Variants in OXR1 observed in about 807,000 individuals in gnomAD.
The protein encoded by OXR1 is oxidation resistance 1, also known as oxidation resistance protein 1.
Under a neutral mutation model 104.6 loss-of-function variants are expected in OXR1, and 41 were observed. The ratio of observed to expected loss-of-function variants is 0.39; its 90% CI spans 0.31 to 0.51. The LOEUF (loss-of-function observed/expected upper bound fraction) is 0.51, where lower values mean the gene tolerates loss of function less well. Among genes scored for constraint, OXR1 ranks in the 20% least tolerant of loss-of-function variants. OXR1 has a pLI of 0.77. For synonymous variants in OXR1, 348 were observed against 348.4 expected (o/e 1.00, Z 0.01); for missense variants, 955 against 1,031.9 (o/e 0.93, Z 1.02).
At chr8:106,511,314 C>T (rs921395626) in intron 2 of OXR1, among the ~76,000 whole-genome samples, 1 of 152,178 alleles carries the variant, frequency 6.6e-6, no homozygotes, top group Non-Finnish European at 1.5e-5. Flanking sequence ...TTTGCAGCAG[C>T]CACAGTATCC....
chr8:106,310,680 T>G (rs986278854), intron 1 of OXR1, among the ~76,000 whole-genome samples: 2 of 152,208 alleles, frequency 1.3e-5, no homozygotes, highest in African/African-American at 4.8e-5. Context: ...GTATAATAGG[T>G]ACAGGAATAT....
intron 6 of OXR1, among the ~76,000 whole-genome samples, chr8:106,691,210 A>G (rs1159064665): frequency 6.6e-6 from 1 of 151,948 alleles, no homozygotes; most frequent in East Asian, 1.9e-4. Context: ...ATATTTCTAT[A>G]TTTTTAAGGA....
intron 2 of OXR1, among the ~76,000 whole-genome samples, chr8:106,434,469 G>T (rs1819493295): frequency 6.6e-6 from 1 of 152,158 alleles, no homozygotes. Context: ...GTTTCCAAAA[G>T]AATAGTAGCT....
At chr8:106,451,352 CA>C (rs1469442445) in intron 2 of OXR1, among the ~76,000 whole-genome samples, 1 of 152,096 alleles carries the variant, frequency 6.6e-6, no homozygotes, top group Admixed American at 6.5e-5. Flanking sequence ...TTTATTTATA[CA>C]GATGAATTAT....
chr8:106,390,458 A>T (rs181477628), intron 2 of OXR1, among the ~76,000 whole-genome samples: 1 of 152,302 alleles, frequency 6.6e-6, no homozygotes, highest in Non-Finnish European at 1.5e-5. Context: ...TCCTCATAAC[A>T]CCGTTAAGAG....
At chr8:106,415,172 C>T (rs1818621175) in intron 2 of OXR1, among the ~76,000 whole-genome samples, 1 of 152,044 alleles carries the variant, frequency 6.6e-6, no homozygotes, top group Non-Finnish European at 1.5e-5. Context: ...CTTAACAGTG[C>T]CATAATTTAC....
At chr8:106,646,089 CTTT>C (rs760715864) in intron 3 of OXR1, among the ~76,000 whole-genome samples, 1 of 151,888 alleles carries the variant, frequency 6.6e-6, no homozygotes, top group Non-Finnish European at 1.5e-5. Flanking sequence ...TGTTCATCTT[CTTT>C]TTTCTCTATT....
Position 106,659,835 on chromosome 8 carries a change from T to G in OXR1, c.221-19375T>G, listed in dbSNP as rs550503820. Among the ~76,000 whole-genome samples, 18 of 152,316 alleles carry G rather than the reference T, an allele frequency of 1.2e-4. 1 individual carries two copies. The Middle Eastern group carries it at 0.02, about 173-fold the overall frequency. On this transcript the variant is annotated intron_variant, in intron 3 of 16. Coordinates refer to ENST00000517566, the MANE Select transcript of OXR1 (RefSeq NM_001198533.2). ...AGAGAGACACTTATGTGTTTATATA[T>G]GTGGAGCACACAGCTATATCTGACA...
At chr8:106,354,539 G>A (rs1260749888) in intron 1 of OXR1, among the ~76,000 whole-genome samples, 1 of 151,988 alleles carries the variant, frequency 6.6e-6, no homozygotes. Flanking sequence ...TATCCCCTTT[G>A]GAATTGAAGC....
intron 3 of OXR1, among the ~76,000 whole-genome samples, chr8:106,545,148 C>T (rs751378175): frequency 5.3e-5 from 8 of 152,110 alleles, no homozygotes; most frequent in Non-Finnish European, 1.2e-4. Flanking sequence ...CAGGAATTGC[C>T]ACATGTACCC....
intron 6 of OXR1, among the ~76,000 whole-genome samples, chr8:106,691,957 G>A (rs1025749371): frequency 4.5e-4 from 65 of 143,676 alleles, no homozygotes; most frequent in African/African-American, 1.4e-3. Context: ...ACCAAGAAGC[G>A]TATATATGTG....
At chr8:106,459,145 C>T (rs1351963240) in intron 2 of OXR1, among the ~76,000 whole-genome samples, 1 of 152,054 alleles carries the variant, frequency 6.6e-6, no homozygotes, top group Non-Finnish European at 1.5e-5. Flanking sequence ...CCCCAAAGTT[C>T]ATGTGTTGGA....
intron 1 of OXR1, among the ~76,000 whole-genome samples, chr8:106,279,803 A>G (rs757487602): frequency 8.5e-5 from 13 of 152,230 alleles, no homozygotes; most frequent in African/African-American, 2.9e-4. Context: ...ACTGACTTCA[A>G]TAGAAGTGTA....
intron 6 of OXR1, among the ~76,000 whole-genome samples, chr8:106,689,818 C>T (rs1829098959): frequency 6.6e-6 from 1 of 151,542 alleles, no homozygotes; most frequent in African/African-American, 2.4e-5. Context: ...AAGTGGTATG[C>T]CTGTATACCT....
chr8:106,662,868 A>G (rs1271308082), intron 3 of OXR1, among the ~76,000 whole-genome samples: 1 of 128,974 alleles, frequency 7.8e-6, no homozygotes. Context: ...GATGATGATG[A>G]TGATGATGAT....
intron 3 of OXR1, among the ~76,000 whole-genome samples, chr8:106,677,707 A>G (rs1827741591): frequency 6.6e-6 from 1 of 151,892 alleles, no homozygotes; most frequent in Non-Finnish European, 1.5e-5. Context: ...AGTTTTTAAG[A>G]GTTCTTTAAA....
chr8:106,682,934 T>C (rs960771909), intron 4 of OXR1, among the ~76,000 whole-genome samples: 4 of 152,216 alleles, frequency 2.6e-5, no homozygotes, highest in Admixed American at 1.3e-4. Context: ...TTTTTGACTT[T>C]TAAATTATGT....
Position 106,693,208 on chromosome 8 carries a change from A to G in OXR1, c.675+331A>G, listed in dbSNP as rs377615521. Among the ~76,000 whole-genome samples, 8 of 152,252 alleles carry G rather than the reference A, an allele frequency of 5.3e-5. No homozygotes were observed. The East Asian group carries it at 9.6e-4, about 18-fold the overall frequency. On this transcript the variant is annotated intron_variant, in intron 7 of 16. Coordinates refer to ENST00000517566, the MANE Select transcript of OXR1 (RefSeq NM_001198533.2). Reference sequence around the variant, plus strand: ...TGAACTTCTGTATAACTAGTATAGCACACAAATAGGAAGATATCTAGTATT... The same window carrying G: ...TGAACTTCTGTATAACTAGTATAGCGCACAAATAGGAAGATATCTAGTATT...
intron 1 of OXR1, among the ~76,000 whole-genome samples, chr8:106,283,249 G>A (rs576326968): frequency 5.4e-4 from 83 of 152,294 alleles, no homozygotes; most frequent in Middle Eastern, 6.8e-3. Flanking sequence ...GTGGAGCAAC[G>A]CAGTCTTAGA....
Sources: allele counts gnomAD v4.1 joint callset (sites outside exome capture counted in the v4.1 genomes callset), GRCh38; gene constraint gnomAD v4.1.1; transcripts MANE v1.5; gene names NCBI Gene and HGNC (gene_info 2026-07-23, HGNC 2026-07-21).